The following RANBP2 variants were observed in gnomAD, a reference collection of about 807,000 sequenced individuals.
The protein encoded by RANBP2 is E3 SUMO-protein ligase RanBP2.
In RANBP2, 57 loss-of-function variants were observed where a neutral mutation model predicts 303.6. The observed-to-expected ratio is 0.19, with a 90% confidence interval of 0.15 to 0.23. RANBP2 has a LOEUF of 0.23. Among genes scored for constraint, RANBP2 ranks in the 10% least tolerant of loss-of-function variants. The probability of loss-of-function intolerance (pLI) is 1.00; values close to 1 mark genes in which losing one functional copy is unlikely to be tolerated. For missense variants in RANBP2, 3,138 were observed against 3,780.8 expected (o/e 0.83, Z 4.46); for synonymous variants, 1,167 against 1,301.5 (o/e 0.90, Z 2.23).
chr2:109,324,678 G>A, the RANBP2 span, among the ~76,000 whole-genome samples: 1 of 152,182 alleles, frequency 6.6e-6, no homozygotes, highest in East Asian at 1.9e-4. Context: ...CCTTTCTCCT[G>A]GATCCCAAAG....
chr2:108,823,636 G>A, the RANBP2 span, among the ~76,000 whole-genome samples: 9 of 152,170 alleles, frequency 5.9e-5, no homozygotes, highest in African/African-American at 2.2e-4. Flanking sequence ...AAGTATTTGG[G>A]TATCTAAACA....
the RANBP2 span, among the ~76,000 whole-genome samples, chr2:108,938,674 C>T: frequency 5.1e-3 from 780 of 152,274 alleles, 8 homozygotes; most frequent in African/African-American, 0.018. Context: ...AAAATCCCTA[C>T]TTTTTTGCCT....
chr2:108,730,739 G>A (rs777962011), intron 2 of RANBP2, 35 bp from the exon 3 acceptor site: 8 of 1,605,434 alleles, frequency 5.0e-6, no homozygotes, highest in South Asian at 2.2e-5. Flanking sequence ...ACAGTTCTAA[G>A]TTTAATTTAC....
the RANBP2 span, among the ~76,000 whole-genome samples, chr2:109,683,394 A>C: frequency 6.6e-6 from 1 of 152,160 alleles, no homozygotes; most frequent in Non-Finnish European, 1.5e-5. Flanking sequence ...ATACATTTGC[A>C]TGCCTTTTCT....
At chr2:109,717,532 A>T in the RANBP2 span, among the ~76,000 whole-genome samples, 1 of 151,742 alleles carries the variant, frequency 6.6e-6, no homozygotes, top group Non-Finnish European at 1.5e-5. Context: ...CAGTGAGCTG[A>T]GATCTTACCA....
the RANBP2 span, among the ~76,000 whole-genome samples, chr2:109,467,297 C>T: frequency 6.6e-6 from 1 of 152,222 alleles, no homozygotes; most frequent in Non-Finnish European, 1.5e-5. Flanking sequence ...AGGGGCACCA[C>T]CCAGCAAGAA....
chr2:109,497,673 A>G, the RANBP2 span, among the ~76,000 whole-genome samples: 7 of 152,362 alleles, frequency 4.6e-5, no homozygotes, highest in African/African-American at 1.4e-4. Context: ...AGCAGGAAGA[A>G]CAGCTCAGAG....
At chr2:109,181,079 C>T in the RANBP2 span, among the ~76,000 whole-genome samples, 23 of 152,296 alleles carry the variant, frequency 1.5e-4, no homozygotes, top group Middle Eastern at 0.027. Flanking sequence ...ACAGACCCTC[C>T]GTCAGCATGA....
At chr2:109,244,550 T>A in the RANBP2 span, among the ~76,000 whole-genome samples, 1 of 152,214 alleles carries the variant, frequency 6.6e-6, no homozygotes, top group Non-Finnish European at 1.5e-5. Flanking sequence ...GAACTGTTTT[T>A]AAGATGAGAG....
chr2:108,825,414 A>G, the RANBP2 span, among the ~76,000 whole-genome samples: 29 of 151,348 alleles, frequency 1.9e-4, 1 homozygote, highest in South Asian at 5.2e-3. Flanking sequence ...GTTTTAGAAC[A>G]TTTTATCTCC....
chr2:108,733,891 A>G (rs1026301697), intron 4 of RANBP2, among the ~76,000 whole-genome samples: 3 of 151,202 alleles, frequency 2.0e-5, no homozygotes, highest in Non-Finnish European at 4.4e-5. Context: ...TATAACTGTC[A>G]TGCAAAGTAA....
At chr2:108,951,462 A>G in the RANBP2 span, among the ~76,000 whole-genome samples, 1 of 152,242 alleles carries the variant, frequency 6.6e-6, no homozygotes, top group Admixed American at 6.5e-5. Context: ...AGTGAACTCC[A>G]GAAAAACTGA....
the RANBP2 span, among the ~76,000 whole-genome samples, chr2:109,231,419 G>A: frequency 6.6e-6 from 1 of 152,178 alleles, no homozygotes; most frequent in Non-Finnish European, 1.5e-5. Context: ...GCCTGGTTGG[G>A]GCAGGATGCT....
chr2:108,938,080 T>C, the RANBP2 span, among the ~76,000 whole-genome samples: 1 of 152,264 alleles, frequency 6.6e-6, no homozygotes, highest in African/African-American at 2.4e-5. Flanking sequence ...AATAAGCATG[T>C]CCAATTCTTC....
chr2:108,869,767 T>C, the RANBP2 span, among the ~76,000 whole-genome samples: 1 of 152,002 alleles, frequency 6.6e-6, no homozygotes, highest in Admixed American at 6.6e-5. Flanking sequence ...TTAAGCACAC[T>C]CCCTACACCG....
the RANBP2 span, among the ~76,000 whole-genome samples, chr2:108,834,068 G>A: frequency 6.6e-6 from 1 of 151,110 alleles, no homozygotes; most frequent in Admixed American, 6.6e-5. Flanking sequence ...ACTTTTTGCA[G>A]TAGATCGAAT....
At chr2:109,483,785 AG>A in the RANBP2 span, among the ~76,000 whole-genome samples, 1 of 152,038 alleles carries the variant, frequency 6.6e-6, no homozygotes, top group Admixed American at 6.6e-5. Flanking sequence ...TCCCCTCCCC[AG>A]GCTGCAGGCG....
the RANBP2 span, among the ~76,000 whole-genome samples, chr2:109,669,821 G>A: frequency 8.6e-5 from 13 of 151,962 alleles, no homozygotes; most frequent in South Asian, 2.1e-4. Context: ...CCTGCTCCCC[G>A]CCATGGGCAG....
chr2:109,163,373 A>C, the RANBP2 span, among the ~76,000 whole-genome samples: 126,316 of 147,108 alleles, frequency 0.86, 54,387 homozygotes, highest in African/African-American at 0.91. Context: ...TCAATAGATT[A>C]ACCAAGAGCA....
Sources: gnomAD v4.1 joint callset for allele counts (sites outside exome capture counted in the v4.1 genomes callset) on GRCh38, gnomAD v4.1.1 for gene constraint, MANE v1.5 for transcripts, NCBI Gene and HGNC (gene_info 2026-07-23, HGNC 2026-07-21) for gene names.